The following SHOX variants were observed in gnomAD, a reference collection of about 807,000 sequenced individuals.
The protein encoded by SHOX is SHOX homeobox.
In SHOX, 12 loss-of-function variants were observed where a neutral mutation model predicts 29.6. The observed-to-expected ratio is 0.41, with a 90% CI of 0.26 to 0.66. SHOX has a LOEUF of 0.66. Ranked by LOEUF, SHOX falls within the 30% of genes least tolerant of loss-of-function variation. The pLI, the probability that SHOX is intolerant of heterozygous loss-of-function variation, is 0.35. For missense variants in SHOX, 499 were observed against 437.7 expected (o/e 1.14, Z -1.25); for synonymous variants, 214 against 200.6 (o/e 1.07, Z -0.57).
chrX:635,652 C>G (rs2052732628), intron 2 of SHOX, among the ~76,000 whole-genome samples: 1 of 152,178 alleles, frequency 6.6e-6, no homozygotes, highest in South Asian at 2.1e-4. Flanking sequence ...GCGGAGGGGC[C>G]TTGGGTGTGC....
chrX:639,809 C>T (rs1341374534), intron 2 of SHOX, among the ~76,000 whole-genome samples: 1 of 151,164 alleles, frequency 6.6e-6, no homozygotes, highest in Non-Finnish European at 1.5e-5. Context: ...TGAGACCAGC[C>T]TGGCCAACAT....
rs1437242606 is a variant in SHOX, at chrX:650,813, A to C, written c.*6177A>C. The stretch of plus-strand genomic sequence containing the variant: ...ACATTAAAAAAAAAAAAAAAAAAAA[A>C]AAAAAACTGGTGCCTAATTTATTAA... On this transcript the variant is annotated 3_prime_UTR_variant, in exon 5 of 5. Transcript: ENST00000686671. Among the ~76,000 whole-genome samples, 57 of 149,604 alleles carry C rather than the reference A, an allele frequency of 3.8e-4. No homozygotes were observed. Among genetic ancestry groups the C allele is most frequent in the South Asian group, 1.3e-3 (6 of 4,584 alleles).
chrX:634,096 C>CTGT (rs1430110182), intron 1 of SHOX, among the ~76,000 whole-genome samples: 1 of 152,232 alleles, frequency 6.6e-6, no homozygotes. Context: ...TGCTGTTCTG[C>CTGT]TGAGAAACAG....
upstream of SHOX, among the ~76,000 whole-genome samples, chrX:627,232 G>T (rs181887392): frequency 2.6e-5 from 4 of 152,312 alleles, no homozygotes; most frequent in African/African-American, 9.6e-5. Context: ...CACCCACTCT[G>T]CAGACTGGAG....
At chrX:638,664 C>G (rs1354790170) in intron 2 of SHOX, among the ~76,000 whole-genome samples, 3 of 152,200 alleles carry the variant, frequency 2.0e-5, no homozygotes, top group Non-Finnish European at 4.4e-5. Context: ...GTGTTGGGTT[C>G]AAGAGCAAGT....
At position 644,172 on chromosome X, in the gene SHOX, A is replaced by G. The variant is rs182010308; in HGVS notation, c.634-219A>G. Among the ~76,000 whole-genome samples, 1,320 of 152,174 alleles carry G rather than the reference A, an allele frequency of 8.7e-3. 22 individuals are homozygous for G. The highest frequency in any genetic ancestry group is 0.029 in the African/African-American group (1,225 of 41,530). The stretch of plus-strand genomic sequence containing the variant: ...ATGCGCTTTGCAGGGAGCTGTTCGG[A>G]TTCCCCTGGCCCGGCTCCCGCGGAT... On this transcript the variant is annotated intron_variant, in intron 4 of 4. Coordinates refer to ENST00000686671, the MANE Select transcript of SHOX (RefSeq NM_000451.4).
chrX:653,341 A>G (rs1281541413), downstream of SHOX, among the ~76,000 whole-genome samples: 11 of 152,286 alleles, frequency 7.2e-5, no homozygotes, highest in Non-Finnish European at 1.0e-4. Flanking sequence ...GGTTTGAGAG[A>G]CTCTGTCCCT....
chrX:627,964 G>A (rs746002787), upstream of SHOX, among the ~76,000 whole-genome samples: 2 of 152,096 alleles, frequency 1.3e-5, no homozygotes, highest in African/African-American at 4.8e-5. Flanking sequence ...AGATGGGGAG[G>A]CCTTTAGAAG....
upstream of SHOX, among the ~76,000 whole-genome samples, chrX:629,341 CTCTT>C (rs1336467207): frequency 3.3e-5 from 5 of 151,128 alleles, no homozygotes; most frequent in African/African-American, 4.9e-5. Flanking sequence ...CTCCTTGACT[CTCTT>C]TCTCTCTGTC....
At position 649,015 on chromosome X, in the gene SHOX, C is replaced by CTCT. The variant is rs2039434363; in HGVS notation, c.*4380_*4381insCTT. Reference sequence around the variant, plus strand: ...TTCTCTTTTCCTTTTTTGTTTCTTTCTTTCTTTTTCTTTCTTTCTTTTTCT... The same window carrying CTCT: ...TTCTCTTTTCCTTTTTTGTTTCTTTCTCTTTTCTTTTTCTTTCTTTCTTTTTCT... On this transcript the variant is annotated 3_prime_UTR_variant, in exon 5 of 5. Coordinates refer to ENST00000686671, the MANE Select transcript of SHOX (RefSeq NM_000451.4). Among the ~76,000 whole-genome samples, 4 of 107,052 alleles carry CTCT rather than the reference C, an allele frequency of 3.7e-5. No homozygotes were observed. The allele number at this position is 107,052 out of a possible 152,430, so 70.2% of individuals were successfully genotyped here.
At position 636,970 on chromosome X, in the gene SHOX, A is replaced by ATATATAT. The variant is rs1458275715; in HGVS notation, c.486+2145_486+2146insATATATT. 1.1e-4 allele frequency among the ~76,000 whole-genome samples: 15 copies of ATATATAT among 137,342 alleles called. 1 individual carries two copies. The highest frequency in any genetic ancestry group is 3.3e-4 in the African/African-American group (12 of 36,072). The allele number at this position is 137,342 out of a possible 152,430, so 90.1% of individuals were successfully genotyped here. ...AAAATATATATATATATATATATAT[A>ATATATAT]TTTTGGCTCCTGATTCTCTTCCGTC... On this transcript the variant is annotated intron_variant, in intron 2 of 4. Transcript: ENST00000686671.
upstream of SHOX, among the ~76,000 whole-genome samples, chrX:628,459 ATCTC>A (rs1180069815): frequency 1.5e-4 from 4 of 26,106 alleles, no homozygotes; most frequent in Non-Finnish European, 3.3e-4. Context: ...CTCTCTCTCC[ATCTC>A]TCTCTGTCTC....
downstream of SHOX, among the ~76,000 whole-genome samples, chrX:655,042 C>T (rs1395359294): frequency 6.6e-6 from 1 of 151,884 alleles, no homozygotes; most frequent in Non-Finnish European, 1.5e-5. Context: ...ATGATTGCAC[C>T]ACTGCACTCC....
At chrX:634,545 A>T (rs1457974687) in intron 1 of SHOX, 73 bp from the exon 2 acceptor site, 13 of 1,518,368 alleles carry the variant, frequency 8.6e-6, no homozygotes, top group Middle Eastern at 2.3e-4. Flanking sequence ...CCACCGCGGG[A>T]TGCACGAAGG....
rs1384448609 is a variant in SHOX, at chrX:641,211, C to T, written c.633+124C>T. 5 of 967,446 alleles carry T rather than the reference C, an allele frequency of 5.2e-6. No individual in the cohort carries two copies. The African/African-American group carries it at 6.5e-5, about 13-fold the overall frequency. 59.9% of individuals were successfully genotyped at this position (967,446 alleles called of 1,614,324 possible). On this transcript the variant is annotated intron_variant, in intron 4 of 4. Transcript: ENST00000686671. ...CTGCCCCTGCAGACTTCTCAGCTGG[C>T]CCTTAGAAAAAAAGCCTCTTTTCCG...
At chrX:627,031 C>T (rs2052551396), upstream of SHOX, among the ~76,000 whole-genome samples, 1 of 149,214 alleles carries the variant, frequency 6.7e-6, no homozygotes, top group Non-Finnish European at 1.5e-5. Flanking sequence ...CTTTCTGTCT[C>T]TCTATCTCTG....
chrX:643,340 C>T (rs1288795339), intron 4 of SHOX, among the ~76,000 whole-genome samples: 1 of 144,468 alleles, frequency 6.9e-6, no homozygotes, highest in Non-Finnish European at 1.5e-5. Flanking sequence ...GACCTGGTGT[C>T]CCGGGAGAGG....
At chrX:644,306 C>A in intron 4 of SHOX, 85 bp from the exon 5 acceptor site, 1 of 1,425,976 alleles carries the variant, frequency 7.0e-7, no homozygotes. Context: ...AGAAGAGGCA[C>A]GTTGGAGGTT....
At chrX:657,983 C>G (rs1194187792) in intron 5 of SHOX, among the ~76,000 whole-genome samples, 1 of 151,922 alleles carries the variant, frequency 6.6e-6, no homozygotes, top group Non-Finnish European at 1.5e-5. Flanking sequence ...CTCTCTCTCT[C>G]TCTTTTTTTG....
Sources: gnomAD v4.1 joint callset for allele counts (sites outside exome capture counted in the v4.1 genomes callset) on GRCh38, gnomAD v4.1.1 for gene constraint, MANE v1.5 for transcripts, NCBI Gene and HGNC (gene_info 2026-07-23, HGNC 2026-07-21) for gene names.